The following PTK7 variants were observed in gnomAD, a reference collection of about 807,000 sequenced individuals.
PTK7 encodes the protein inactive tyrosine-protein kinase 7.
A neutral mutation model predicts 116.6 loss-of-function variants in PTK7; 39 were observed. That is an observed-to-expected ratio of 0.33 (90% confidence interval 0.26 to 0.44). PTK7 has a LOEUF of 0.44. PTK7 is among the 20% of genes least tolerant of loss of function. The pLI is 1.00. For synonymous variants in PTK7, 546 were observed against 563.6 expected (o/e 0.97, Z 0.44); for missense variants, 1,169 against 1,425.6 (o/e 0.82, Z 2.90).
At position 43,158,870 on chromosome 6, in the gene PTK7, C is replaced by T. The variant is rs754815020; in HGVS notation, c.2775C>T (p.Arg925=). 2 of 1,614,226 alleles carry T rather than the reference C, an allele frequency of 1.2e-6. No homozygotes were observed. The highest frequency in any genetic ancestry group is 1.3e-5 in the African/African-American group (1 of 75,064). The change falls in exon 18 of 20, where the codon CGC becomes CGT. Residue 925 remains arginine, a synonymous_variant. Transcript: ENST00000230419. ...GCATGGAGCACCTGTCCAACAACCG[C>T]TTTGTGCATAAGGACTTGGCTGCGC... ...ALGMEHLSNN[R]FVHKDLAARN...
intron 7 of PTK7, among the ~76,000 whole-genome samples, chr6:43,136,844 T>TA (rs1179078341): frequency 1.1e-3 from 167 of 149,528 alleles, no homozygotes; most frequent in African/African-American, 3.5e-3. Context: ...CTACTAAAAA[T>TA]AAAAAAAAAA....
In PTK7 at chr6:43,160,545, G is replaced by T. The variant is rs1261820223; in HGVS notation, c.3053-176G>T. On this transcript the variant is annotated intron_variant, in intron 19 of 19. Transcript: ENST00000230419. The stretch of plus-strand genomic sequence containing the variant: ...TGCATGGACCCCGTCCTACCAGCCA[G>T]AGTGAGTGGGGCCAGGGGAGTCATC... 5.3e-5 allele frequency among the ~76,000 whole-genome samples: 8 copies of T among 152,220 alleles called. No homozygotes were observed. In the East Asian group the frequency reaches 1.5e-3, roughly 29 times the overall value.
rs143537049 is a variant in PTK7, at chr6:43,132,493, C to T, written c.1034C>T (p.Pro345Leu). ...AGCGAGGAGCGTGTGACCTGCCTTC[C>T]CCCCAAGGGTCTGCCAGAGCCCAGC... ...AGSEERVTCL[P>L]PKGLPEPSVW... The change falls in exon 7 of 20, where the codon CCC becomes CTC. Residue 345 changes from proline to leucine, a missense_variant. Physicochemically the swap from Pro to Leu is moderately conservative, Grantham distance 98. Around this residue, in one of 3 missense-constraint regions of PTK7, gnomAD observed 487 missense variants for 549.8 expected, o/e 0.89. Coordinates refer to ENST00000230419, the MANE Select transcript of PTK7 (RefSeq NM_002821.5). 4.2e-4 allele frequency: 672 copies of T among 1,606,312 alleles called. 1 individual carries two copies. In the African/African-American group the frequency reaches 4.8e-3, roughly 12 times the overall value.
At chr6:43,131,029 T>TCACACACACACACACA (rs3222659) in intron 5 of PTK7, among the ~76,000 whole-genome samples, 3 of 133,756 alleles carry the variant, frequency 2.2e-5, no homozygotes, top group African/African-American at 8.3e-5. Flanking sequence ...GGCAAAGACA[T>TCACACACACACACACA]CACACACACA....
intron 5 of PTK7, among the ~76,000 whole-genome samples, chr6:43,131,038 C>T (rs1769647317): frequency 8.4e-6 from 1 of 119,478 alleles, no homozygotes; most frequent in Non-Finnish European, 1.8e-5. Context: ...ATCACACACA[C>T]ACACACACAC....
chr6:43,130,760 C>T, intron 5 of PTK7, 99 bp downstream of exon 5: 1 of 1,456,730 alleles, frequency 6.9e-7, no homozygotes, highest in Non-Finnish European at 9.4e-7. Flanking sequence ...CAGATTTGTA[C>T]ATGTATTATT....
At chr6:43,109,986 C>T (rs1485540028) in intron 1 of PTK7, among the ~76,000 whole-genome samples, 2 of 149,348 alleles carry the variant, frequency 1.3e-5, no homozygotes, top group Non-Finnish European at 3.0e-5. Context: ...GCGTGAGCCA[C>T]CATGCCCGGC....
intron 13 of PTK7, chr6:43,142,737 T>C (rs1442535139): frequency 4.5e-6 from 1 of 221,292 alleles, no homozygotes; most frequent in Non-Finnish European, 9.2e-6. Flanking sequence ...CTCTGGGGAC[T>C]TGTTTCTGCA....
chr6:43,106,455 G>A (rs1245915442), intron 1 of PTK7, among the ~76,000 whole-genome samples: 1 of 151,788 alleles, frequency 6.6e-6, no homozygotes, highest in Non-Finnish European at 1.5e-5. Flanking sequence ...CTACAGGCTT[G>A]CACCACCATG....
At chr6:43,116,603 TTTGTGTGTGTGTGTGTG>T (rs1444945610) in intron 1 of PTK7, among the ~76,000 whole-genome samples, 7 of 126,252 alleles carry the variant, frequency 5.5e-5, no homozygotes, top group Admixed American at 1.6e-4. Flanking sequence ...GAAAAGCTGG[TTTGTGTGTGTGTGTGTG>T]TGTGTGTGTG....
chr6:43,146,811 T>TC, intron 17 of PTK7, 113 bp downstream of exon 17: 3 of 851,006 alleles, frequency 3.5e-6, no homozygotes. Context: ...GGTAAGAACT[T>TC]CACATGTGTT....
chr6:43,109,221 TAA>T (rs1163086893), intron 1 of PTK7, among the ~76,000 whole-genome samples: 1 of 152,174 alleles, frequency 6.6e-6, no homozygotes, highest in Non-Finnish European at 1.5e-5. Flanking sequence ...CTTATTTTTT[TAA>T]AGAGATAGGG....
Position 43,144,543 on chromosome 6 carries a change from C to A in PTK7, c.2344C>A (p.Arg782Ser). The A allele has an allele frequency of 1.9e-6, 3 of 1,614,202 alleles. No homozygotes were observed. The highest frequency in any genetic ancestry group is 2.5e-6 in the Non-Finnish European group (3 of 1,180,034). Residue 782 changes from arginine (R) to serine (S), a missense_variant, in exon 15 of 20, where the codon CGC becomes AGC. Coordinates refer to ENST00000230419, the MANE Select transcript of PTK7 (RefSeq NM_002821.5). ...LGSGPAATNK[R>S]HSTSDKMHFP... is the part of the protein sequence containing the mutation. The stretch of plus-strand genomic sequence containing the variant: ...CTCCGGCCCCGCGGCCACCAACAAA[C>A]GCCACAGCACAAGTGATAAGATGCA...
Position 43,145,560 on chromosome 6 carries a change from T to C in PTK7, c.2640+128T>C. ...AGTCTCAGCCGAGACCTCACCTGCCTGCTGTTACACTTTGCCCACCTTATG... is the reference window on the plus strand; with the variant it reads ...AGTCTCAGCCGAGACCTCACCTGCCCGCTGTTACACTTTGCCCACCTTATG... On this transcript the variant is annotated intron_variant, in intron 16 of 19. Coordinates refer to ENST00000230419, the MANE Select transcript of PTK7 (RefSeq NM_002821.5). This position sits in a 1 kb window ranked among gnomAD's most constrained non-coding sequence, Gnocchi z 4.8. 1.5e-6 allele frequency: 1 copy of C among 668,898 alleles called. No homozygotes were observed. Among genetic ancestry groups the C allele is most frequent in the Non-Finnish European group, 2.3e-6 (1 of 432,506 alleles). The allele number at this position is 668,898 out of a possible 1,614,324, so 41.4% of individuals were successfully genotyped here.
intron 1 of PTK7, among the ~76,000 whole-genome samples, chr6:43,080,968 CA>C (rs1766346227): frequency 6.6e-6 from 1 of 151,652 alleles, no homozygotes; most frequent in Non-Finnish European, 1.5e-5. Flanking sequence ...CACACACACA[CA>C]CACACACAGC....
intron 1 of PTK7, chr6:43,077,063 G>T (rs1344237987): frequency 1.9e-5 from 24 of 1,289,378 alleles, no homozygotes; most frequent in Non-Finnish European, 2.3e-5. Flanking sequence ...TACCTACGCC[G>T]ACCCGACGTT....
chr6:43,150,026 C>T (rs1266329721), intron 17 of PTK7, among the ~76,000 whole-genome samples: 3 of 152,110 alleles, frequency 2.0e-5, no homozygotes, highest in Admixed American at 6.6e-5. Context: ...AGACATGGGT[C>T]CTGGGTGTTG....
intron 1 of PTK7, among the ~76,000 whole-genome samples, chr6:43,121,864 G>C (rs970921129): frequency 2.6e-5 from 4 of 152,352 alleles, no homozygotes; most frequent in Non-Finnish European, 5.9e-5. Context: ...ATGTGGCCAG[G>C]CATGGTGGCT....
At chr6:43,114,352 G>GTCTCTC (rs370067302) in intron 1 of PTK7, among the ~76,000 whole-genome samples, 1 of 149,708 alleles carries the variant, frequency 6.7e-6, no homozygotes, top group African/African-American at 2.4e-5. Context: ...CTGTCTGTCT[G>GTCTCTC]TCTCTCTCTC....
Sources: allele counts gnomAD v4.1 joint callset (sites outside exome capture counted in the v4.1 genomes callset), GRCh38; gene constraint gnomAD v4.1.1; regional missense constraint gnomAD v4.1.1; non-coding constraint Gnocchi (gnomAD v3.1); transcripts MANE v1.5; gene names NCBI Gene and HGNC (gene_info 2026-07-23, HGNC 2026-07-21).